The following LARS2 variants were observed in gnomAD, a reference collection of about 807,000 sequenced individuals.
The protein encoded by LARS2 is leucyl-tRNA synthetase 2, mitochondrial.
LARS2 carries 81 observed loss-of-function variants against 116.6 expected under a neutral mutation model. That is an observed-to-expected ratio of 0.69 (90% CI 0.58 to 0.84). The LOEUF (loss-of-function observed/expected upper bound fraction) is 0.84, where lower values mean the gene tolerates loss of function less well. Ranked by LOEUF, LARS2 falls within the 40% of genes least tolerant of loss-of-function variation. LARS2 has a pLI of 0.00. For missense variants in LARS2, 968 were observed against 1,114.5 expected (o/e 0.87, Z 1.87); for synonymous variants, 396 against 407.2 (o/e 0.97, Z 0.33).
intron 14 of LARS2, 84 bp from the exon 15 acceptor site, chr3:45,500,358 A>G: frequency 8.1e-7 from 1 of 1,239,076 alleles, no homozygotes; most frequent in Non-Finnish European, 1.1e-6. Flanking sequence ...ATTTCAGGGC[A>G]TATGCATATT....
chr3:45,428,068 G>T (rs1698626467), intron 6 of LARS2, among the ~76,000 whole-genome samples: 1 of 151,664 alleles, frequency 6.6e-6, no homozygotes. Flanking sequence ...TGATCCACCC[G>T]CCTCGGCCTC....
intron 5 of LARS2, among the ~76,000 whole-genome samples, chr3:45,418,122 C>G (rs1698459812): frequency 6.6e-6 from 1 of 152,170 alleles, no homozygotes; most frequent in Non-Finnish European, 1.5e-5. Context: ...CGTGGGCCAG[C>G]GGTGCTCATT....
chr3:45,532,796 C>T (rs1700635532), intron 20 of LARS2, among the ~76,000 whole-genome samples: 1 of 152,068 alleles, frequency 6.6e-6, no homozygotes, highest in African/African-American at 2.4e-5. Flanking sequence ...CACGTGCCAC[C>T]ATGCCCGGCT....
intron 4 of LARS2, among the ~76,000 whole-genome samples, chr3:45,402,816 G>A (rs1303573513): frequency 6.6e-6 from 1 of 152,072 alleles, no homozygotes. Context: ...TTAGAAAGAG[G>A]TGGGACAGGC....
At position 45,516,170 on chromosome 3, in the gene LARS2, C is replaced by G. The variant is rs138012553; in HGVS notation, c.1938C>G (p.Asn646Lys). Reference protein sequence around the residue: ...TWEKMSKSKHNGVDPEEVVEQ... With the variant: ...TWEKMSKSKHKGVDPEEVVEQ... ...AGAAGATGAGTAAGTCCAAACACAA[C>G]GGGGTGGACCCAGAGGAAGTTGTGG... Residue 646 changes from asparagine to lysine, a missense_variant, in exon 17 of 22, where the codon AAC (asparagine) becomes AAG (lysine). By Grantham distance (94) the Asn-to-Lys change is moderately conservative. Coordinates refer to ENST00000645846, the MANE Select transcript of LARS2 (RefSeq NM_015340.4). 3.8e-5 allele frequency: 62 copies of G among 1,613,978 alleles called. No homozygotes were observed. The highest frequency in any genetic ancestry group is 5.1e-6 in the Non-Finnish European group (6 of 1,179,954).
chr3:45,521,726 C>A (rs74866271), intron 19 of LARS2, among the ~76,000 whole-genome samples: 1,661 of 152,082 alleles, frequency 0.011, 33 homozygotes, highest in African/African-American at 0.036. Context: ...CTCTAATTAT[C>A]ATGAAAGGCA....
chr3:45,419,826 G>T, intron 6 of LARS2, 97 bp downstream of exon 6: 2 of 951,762 alleles, frequency 2.1e-6, no homozygotes, highest in Non-Finnish European at 3.5e-6. Flanking sequence ...GAAGGCAAGG[G>T]TGGGAGGCAG....
chr3:45,472,976 T>G (rs1187481275), intron 8 of LARS2, among the ~76,000 whole-genome samples: 2 of 152,266 alleles, frequency 1.3e-5, no homozygotes, highest in Non-Finnish European at 2.9e-5. Context: ...AGTACTGCTC[T>G]CTAATTCTCT....
At chr3:45,410,317 T>G (rs1171427645) in intron 4 of LARS2, among the ~76,000 whole-genome samples, 2 of 152,080 alleles carry the variant, frequency 1.3e-5, no homozygotes, top group African/African-American at 4.8e-5. Context: ...TCTTTTTTTT[T>G]TTTTTTTTGC....
At chr3:45,494,349 C>T (rs907751663) in intron 13 of LARS2, among the ~76,000 whole-genome samples, 3 of 152,192 alleles carry the variant, frequency 2.0e-5, no homozygotes, top group African/African-American at 4.8e-5. Context: ...AAATACAACC[C>T]TTCTTTTATT....
chr3:45,463,562 G>A (rs1288973406), intron 8 of LARS2, among the ~76,000 whole-genome samples: 1 of 151,946 alleles, frequency 6.6e-6, no homozygotes, highest in Non-Finnish European at 1.5e-5. Context: ...TTTTACTGAT[G>A]AGCAGACTGA....
In LARS2 at chr3:45,488,831, AC is replaced by A; in HGVS notation, c.1239+20del. 7.0e-7 allele frequency: 1 copy of A among 1,432,160 alleles called. No individual in the cohort carries two copies. The highest frequency in any genetic ancestry group is 9.9e-7 in the Non-Finnish European group (1 of 1,013,562). The allele number at this position is 1,432,160 out of a possible 1,614,324, so 88.7% of individuals were successfully genotyped here. On this transcript the variant is annotated intron_variant, in intron 12 of 21. Coordinates refer to ENST00000645846, the MANE Select transcript of LARS2 (RefSeq NM_015340.4). Reference sequence around the variant, plus strand: ...TGCTGAGGTTGGTGACTAAGAACTTACTTCCAGAATGATCACCTTGATACGA... The same window carrying A: ...TGCTGAGGTTGGTGACTAAGAACTTATTCCAGAATGATCACCTTGATACGA...
Position 45,397,190 on chromosome 3 carries a change from T to A in LARS2, c.234+2503T>A, listed in dbSNP as rs565480071. Among the ~76,000 whole-genome samples, 168 of 152,344 alleles carry A rather than the reference T, an allele frequency of 1.1e-3. 3 individuals carry two copies. In the South Asian group the frequency reaches 0.034, roughly 31 times the overall value. ...CTTAAATTCTTATACTTTTATATAA[T>A]TATGAAAATTTCCCTTTCAATCAGA... is the stretch of plus-strand genomic sequence containing the variant. On this transcript the variant is annotated intron_variant, in intron 3 of 21. Transcript: ENST00000645846.
intron 6 of LARS2, among the ~76,000 whole-genome samples, chr3:45,441,406 T>C (rs1698908897): frequency 6.6e-6 from 1 of 152,216 alleles, no homozygotes; most frequent in Non-Finnish European, 1.5e-5. Context: ...CACAATTGCC[T>C]TTTAACCTCA....
intron 6 of LARS2, among the ~76,000 whole-genome samples, chr3:45,445,934 C>T (rs560479005): frequency 7.2e-5 from 11 of 152,060 alleles, no homozygotes; most frequent in Non-Finnish European, 1.3e-4. Flanking sequence ...TATTACAAGG[C>T]GTGGTGGCAC....
At chr3:45,412,062 G>T (rs535000666) in intron 4 of LARS2, among the ~76,000 whole-genome samples, 1 of 152,058 alleles carries the variant, frequency 6.6e-6, no homozygotes, top group Non-Finnish European at 1.5e-5. Flanking sequence ...TGCTGTAAAC[G>T]TACCACATTT....
rs76837848 is a variant in LARS2 at position 45,468,849 on chromosome 3, A to G, written c.751-5394A>G. ...GGCTGTGTAATGAAATCCTCAGGGCATTCCCTGATGGGCATACCTAGAAAG... is the reference window on the plus strand; with the variant it reads ...GGCTGTGTAATGAAATCCTCAGGGCGTTCCCTGATGGGCATACCTAGAAAG... On this transcript the variant is annotated intron_variant, in intron 8 of 21. Coordinates refer to ENST00000645846, the MANE Select transcript of LARS2 (RefSeq NM_015340.4). Among the ~76,000 whole-genome samples the G allele has an allele frequency of 3.8e-3, 575 of 152,304 alleles. 5 individuals are homozygous for G. Among genetic ancestry groups the G allele is most frequent in the African/African-American group, 0.013 (546 of 41,562 alleles).
intron 14 of LARS2, among the ~76,000 whole-genome samples, chr3:45,499,603 C>T (rs1700085103): frequency 6.6e-6 from 1 of 151,936 alleles, no homozygotes. Context: ...GCGTGGGTGA[C>T]CAAGCAAGAC....
At chr3:45,488,516 G>A (rs1321073001) in intron 11 of LARS2, among the ~76,000 whole-genome samples, 181 bp from the exon 12 acceptor site, 1 of 152,188 alleles carries the variant, frequency 6.6e-6, no homozygotes, top group Non-Finnish European at 1.5e-5. Flanking sequence ...TTGTGTTTTG[G>A]CAGTGGGTTT....
Sources: gnomAD v4.1 joint callset for allele counts (sites outside exome capture counted in the v4.1 genomes callset) on GRCh38, gnomAD v4.1.1 for gene constraint, MANE v1.5 for transcripts, NCBI Gene and HGNC (gene_info 2026-07-23, HGNC 2026-07-21) for gene names.